The following FGF19 variants were observed in gnomAD, a reference collection of about 807,000 sequenced individuals.
FGF19 encodes the protein fibroblast growth factor 19, also known as FGF-19.
In FGF19, 5 loss-of-function variants were observed where a neutral mutation model predicts 8.9. That is an observed-to-expected ratio of 0.56 (90% confidence interval 0.29 to 1.18). The LOEUF is 1.18. Ranked by LOEUF, FGF19 falls within the 50% of genes most tolerant of loss-of-function variation. The pLI, the probability that FGF19 is intolerant of heterozygous loss-of-function variation, is 0.08. For missense variants in FGF19, 237 were observed against 293.9 expected (o/e 0.81, Z 1.42); for synonymous variants, 124 against 128.0 (o/e 0.97, Z 0.21).
rs1168592946 is a variant in FGF19, at chr11:69,699,466, T to C, written c.447A>G (p.Lys149=). The C allele has an allele frequency of 1.2e-6, 2 of 1,614,094 alleles. No homozygotes were observed. The highest frequency in any genetic ancestry group is 1.3e-5 in the African/African-American group (1 of 74,944). ...HRLPVSLSSA[K]QRQLYKNRGF... is the part of the protein sequence containing the mutation. ...CTCTGTTCTTGTACAGCTGCCGCTG[T>C]TTGGCACTGCTCAGGGAGACCGGGA... The change falls in exon 3 of 3, where the codon AAA becomes AAG. Residue 149 remains lysine, a synonymous_variant. Transcript: ENST00000294312.
chr11:69,701,909 A>G (rs894279315), intron 2 of FGF19, among the ~76,000 whole-genome samples: 15 of 140,908 alleles, frequency 1.1e-4, no homozygotes, highest in Middle Eastern at 3.9e-3. Context: ...CACAGGTTGC[A>G]GTGAGCCGAG....
Position 69,698,325 on chromosome 11 carries a change from A to C in FGF19, c.*937T>G, listed in dbSNP as rs1265645303. The C allele has an allele frequency of 5.5e-6, 1 of 182,864 alleles. No individual in the cohort carries two copies. Among genetic ancestry groups the C allele is most frequent in the Non-Finnish European group, 1.2e-5 (1 of 85,976 alleles). The allele number at this position is 182,864 out of a possible 1,614,324, so 11.3% of individuals were successfully genotyped here. A position where few individuals can be genotyped will look rare whatever the true frequency, so the allele number is the denominator to read the frequency against. On this transcript the variant is annotated 3_prime_UTR_variant, in exon 3 of 3. Transcript: ENST00000294312. ...GGGGCATAAATAATGTAAGAAAATA[A>C]GAGATGTACATATCAAAATAAATTA...
rs746692820 is a variant in FGF19 at position 69,699,297 on chromosome 11, G to A, written c.616C>T (p.Leu206=). 7 of 1,613,976 alleles carry A rather than the reference G, an allele frequency of 4.3e-6. No homozygotes were observed. The South Asian group carries it at 7.7e-5, about 18-fold the overall frequency. Residue 206 remains leucine (L), a synonymous_variant, in exon 3 of 3, where the codon CTG becomes TTG. Transcript: ENST00000294312. ...AAGCTGGGACTCCTCACGGCCTCCA[G>A]TCCGGTGACAAGCCCAAATGGGTCC... ...SMDPFGLVTG[L]EAVRSPSFEK is the part of the protein sequence containing the mutation.
rs1391003722 is a variant in FGF19 at position 69,702,507 on chromosome 11, C to G, written c.336+754G>C. Among the ~76,000 whole-genome samples the G allele has an allele frequency of 6.6e-6, 1 of 152,080 alleles. No individual in the cohort carries two copies. The highest frequency in any genetic ancestry group is 2.4e-5 in the African/African-American group (1 of 41,422). ...CCGCGGGAGGGGCGCGGGTTCGTTC[C>G]TTTGAACTCCCAGCCTTTGTTCCCG... On this transcript the variant is annotated intron_variant, in intron 2 of 2. Transcript: ENST00000294312. This position sits in a 1 kb window ranked among gnomAD's most constrained non-coding sequence, Gnocchi z 4.6.
intron 2 of FGF19, among the ~76,000 whole-genome samples, chr11:69,700,807 G>A (rs551533244): frequency 2.6e-5 from 4 of 152,328 alleles, no homozygotes; most frequent in East Asian, 1.9e-4. Context: ...GCTGGTGGCC[G>A]GAAATGTGTG....
Position 69,702,211 on chromosome 11 carries a change from G to A in FGF19, c.336+1050C>T, listed in dbSNP as rs1404157504. Reference sequence around the variant, plus strand: ...CTTTCTCTGCAGTCCTCTCACGCAGGACTCCGCCATAAAACCTGAAACAGG... The same window carrying A: ...CTTTCTCTGCAGTCCTCTCACGCAGAACTCCGCCATAAAACCTGAAACAGG... On this transcript the variant is annotated intron_variant, in intron 2 of 2. Coordinates refer to ENST00000294312, the MANE Select transcript of FGF19 (RefSeq NM_005117.3). This position sits in a 1 kb window ranked among gnomAD's most constrained non-coding sequence, Gnocchi z 4.6. Among the ~76,000 whole-genome samples, 1 of 152,126 alleles carries A rather than the reference G, an allele frequency of 6.6e-6. No homozygotes were observed. The highest frequency in any genetic ancestry group is 2.4e-5 in the African/African-American group (1 of 41,432).
rs955608473 is a variant in FGF19 at position 69,698,769 on chromosome 11, G to C, written c.*493C>G. 4.8e-6 allele frequency: 1 copy of C among 208,114 alleles called. No individual in the cohort carries two copies. Among genetic ancestry groups the C allele is most frequent in the Non-Finnish European group, 9.9e-6 (1 of 101,434 alleles). The allele number at this position is 208,114 out of a possible 1,614,324, so 12.9% of individuals were successfully genotyped here. ...ATTTGGGAAGGGCAAATGGTCCCTG[G>C]AAGTAGAGATATAGATCAATTCCCA... is the stretch of plus-strand genomic sequence containing the variant. On this transcript the variant is annotated 3_prime_UTR_variant, in exon 3 of 3. Coordinates refer to ENST00000294312, the MANE Select transcript of FGF19 (RefSeq NM_005117.3).
chr11:69,701,964 C>A (rs1279079863), intron 2 of FGF19, among the ~76,000 whole-genome samples: 5 of 18,694 alleles, frequency 2.7e-4, no homozygotes, highest in Admixed American at 9.7e-4. Flanking sequence ...CAAGACTCTG[C>A]CAAAAAAAAA....
chr11:69,700,527 G>T (rs937582869), intron 2 of FGF19, among the ~76,000 whole-genome samples: 7 of 152,214 alleles, frequency 4.6e-5, no homozygotes, highest in African/African-American at 1.7e-4. Flanking sequence ...GGGAAACACT[G>T]ATAAACTGGG....
intron 2 of FGF19, 90 bp from the exon 3 acceptor site, chr11:69,699,666 G>T: frequency 9.6e-7 from 1 of 1,036,474 alleles, no homozygotes; most frequent in Non-Finnish European, 1.4e-6. Flanking sequence ...TGTCCCTGGT[G>T]GCCACCAGCA....
At chr11:69,701,580 G>T (rs1490125525) in intron 2 of FGF19, among the ~76,000 whole-genome samples, 2 of 138,356 alleles carry the variant, frequency 1.4e-5, no homozygotes, top group Admixed American at 8.2e-5. Flanking sequence ...TCCAGCCTGG[G>T]CGACAGAGCA....
intron 2 of FGF19, among the ~76,000 whole-genome samples, chr11:69,700,548 A>G (rs1854757690): frequency 6.6e-6 from 1 of 152,240 alleles, no homozygotes; most frequent in African/African-American, 2.4e-5. Flanking sequence ...TTGTCATCTT[A>G]GGATAGGTCT....
At chr11:69,700,048 C>A (rs943754403) in intron 2 of FGF19, among the ~76,000 whole-genome samples, 1 of 151,382 alleles carries the variant, frequency 6.6e-6, no homozygotes, top group Non-Finnish European at 1.5e-5. Context: ...ATGATCATGC[C>A]ACTGCACTCT....
Position 69,703,907 on chromosome 11 carries a change from C to G in FGF19, c.-31G>C, listed in dbSNP as rs753330387. On this transcript the variant is annotated 5_prime_UTR_variant, in exon 1 of 3. Transcript: ENST00000294312. The surrounding 1 kb of genome is among the most constrained non-coding windows in gnomAD (Gnocchi z 6.8). Reference sequence around the variant, plus strand: ...CTCCCTGGGGCTCTCGGCGCAGCTCCGGCGATGGGGGTGCGGGAGGCTGGG... The same window carrying G: ...CTCCCTGGGGCTCTCGGCGCAGCTCGGGCGATGGGGGTGCGGGAGGCTGGG... 131 of 1,219,900 alleles carry G rather than the reference C, an allele frequency of 1.1e-4. 2 individuals are homozygous for G. The South Asian group carries it at 1.6e-3, about 15-fold the overall frequency. 75.6% of individuals were successfully genotyped at this position (1,219,900 alleles called of 1,614,324 possible).
chr11:69,703,923 G>C lies in FGF19; in HGVS notation c.-47C>G. The C allele has an allele frequency of 1.7e-6, 2 of 1,172,946 alleles. No individual in the cohort carries two copies. The highest frequency in any genetic ancestry group is 2.2e-6 in the Non-Finnish European group (2 of 929,656). The allele number at this position is 1,172,946 out of a possible 1,614,324, so 72.7% of individuals were successfully genotyped here. ...GCGCAGCTCCGGCGATGGGGGTGCGGGAGGCTGGGCGGCGACCGGGATGCG... is the reference window on the plus strand; with the variant it reads ...GCGCAGCTCCGGCGATGGGGGTGCGCGAGGCTGGGCGGCGACCGGGATGCG... On this transcript the variant is annotated 5_prime_UTR_variant, in exon 1 of 3. Coordinates refer to ENST00000294312, the MANE Select transcript of FGF19 (RefSeq NM_005117.3). This position sits in a 1 kb window ranked among gnomAD's most constrained non-coding sequence, Gnocchi z 6.8.
rs966242021 is a variant in FGF19 at position 69,702,081 on chromosome 11, G to T, written c.336+1180C>A. 2.6e-5 allele frequency among the ~76,000 whole-genome samples: 4 copies of T among 151,060 alleles called. No individual in the cohort carries two copies. Among genetic ancestry groups the T allele is most frequent in the African/African-American group, 9.7e-5 (4 of 41,032 alleles). ...GTCCCCTGCTGGCCTCCCATCATTAGGAACCCCCACACCCCCTGCCATAGT... is the reference window on the plus strand; with the variant it reads ...GTCCCCTGCTGGCCTCCCATCATTATGAACCCCCACACCCCCTGCCATAGT... On this transcript the variant is annotated intron_variant, in intron 2 of 2. Coordinates refer to ENST00000294312, the MANE Select transcript of FGF19 (RefSeq NM_005117.3). This position sits in a 1 kb window ranked among gnomAD's most constrained non-coding sequence, Gnocchi z 4.6.
Position 69,699,567 on chromosome 11 carries a change from A to C in FGF19, c.346T>G (p.Ser116Ala). The change falls in exon 3 of 3, where the codon TCG becomes GCG. Residue 116 changes from serine to alanine, a missense_variant. By Grantham distance (99) the Ser-to-Ala change is moderately conservative. Coordinates refer to ENST00000294312, the MANE Select transcript of FGF19 (RefSeq NM_005117.3). ...DGKMQGLLQYSEEDCAFEEEI... is the reference protein window; with the variant it reads ...DGKMQGLLQYAEEDCAFEEEI... ...TCCTCGAAAGCACAGTCTTCCTCCGAGTACTGAAGCTGCAGAGAAAACAGG... is the reference window on the plus strand; with the variant it reads ...TCCTCGAAAGCACAGTCTTCCTCCGCGTACTGAAGCTGCAGAGAAAACAGG... 1 of 1,608,734 alleles carries C rather than the reference A, an allele frequency of 6.2e-7. No homozygotes were observed. Among genetic ancestry groups the C allele is most frequent in the Non-Finnish European group, 8.5e-7 (1 of 1,176,772 alleles).
In FGF19 at chr11:69,702,905, C is replaced by G. The variant is rs543090513; in HGVS notation, c.336+356G>C. Among the ~76,000 whole-genome samples the G allele has an allele frequency of 6.6e-6, 1 of 152,064 alleles. No individual in the cohort carries two copies. Among genetic ancestry groups the G allele is most frequent in the East Asian group, 1.9e-4 (1 of 5,158 alleles). Reference sequence around the variant, plus strand: ...GAGGGAAACGGAGGCGAGGACCACACACGCGCAGGCAGAGGCTGAAAAGGC... The same window carrying G: ...GAGGGAAACGGAGGCGAGGACCACAGACGCGCAGGCAGAGGCTGAAAAGGC... On this transcript the variant is annotated intron_variant, in intron 2 of 2. Coordinates refer to ENST00000294312, the MANE Select transcript of FGF19 (RefSeq NM_005117.3). This position sits in a 1 kb window ranked among gnomAD's most constrained non-coding sequence, Gnocchi z 4.6.
rs950636555 is a variant in FGF19 at position 69,702,964 on chromosome 11, G to T, written c.336+297C>A. Among the ~76,000 whole-genome samples, 1 of 152,146 alleles carries T rather than the reference G, an allele frequency of 6.6e-6. No homozygotes were observed. Among genetic ancestry groups the T allele is most frequent in the Admixed American group, 6.5e-5 (1 of 15,276 alleles). On this transcript the variant is annotated intron_variant, in intron 2 of 2. Transcript: ENST00000294312. This position sits in a 1 kb window ranked among gnomAD's most constrained non-coding sequence, Gnocchi z 4.6. Reference sequence around the variant, plus strand: ...GGTTTTCCTGTTTAATATCAAAGGAGGCCGAATAATGGGTTTCCTCGGTCC... The same window carrying T: ...GGTTTTCCTGTTTAATATCAAAGGATGCCGAATAATGGGTTTCCTCGGTCC...
Sources: allele counts gnomAD v4.1 joint callset (sites outside exome capture counted in the v4.1 genomes callset), GRCh38; gene constraint gnomAD v4.1.1; non-coding constraint Gnocchi (gnomAD v3.1); transcripts MANE v1.5; gene names NCBI Gene and HGNC (gene_info 2026-07-23, HGNC 2026-07-21).